Variants in CACNA1B observed in about 807,000 individuals in gnomAD.
CACNA1B encodes the protein calcium voltage-gated channel subunit alpha1 B.
Under a neutral mutation model 247.2 loss-of-function variants are expected in CACNA1B, and 70 were observed. The ratio of observed to expected loss-of-function variants is 0.28; its 90% CI spans 0.23 to 0.35. CACNA1B has a LOEUF of 0.35. Among genes scored for constraint, CACNA1B ranks in the 10% least tolerant of loss-of-function variants. The pLI is 1.00. For missense variants in CACNA1B, 2,367 were observed against 3,197.4 expected, an observed-to-expected ratio of 0.74 and a Z score of 6.26; for synonymous variants, 1,231 against 1,294.4, an observed-to-expected ratio of 0.95 and a Z score of 1.05.
chr9:137,916,511 C>T (rs975657740), intron 5 of CACNA1B, among the ~76,000 whole-genome samples: 2 of 152,140 alleles, frequency 1.3e-5, no homozygotes, highest in East Asian at 1.9e-4. Flanking sequence ...GAAGGATGTC[C>T]GCCCTGTAGG....
chr9:138,070,204 C>T (rs970858956), intron 32 of CACNA1B, among the ~76,000 whole-genome samples: 2 of 152,218 alleles, frequency 1.3e-5, no homozygotes, highest in African/African-American at 4.8e-5. Flanking sequence ...AAGAAGGCCC[C>T]GCTTTGCCCA....
In CACNA1B at chr9:138,102,749, A is replaced by C; in HGVS notation, c.5261A>C (p.Lys1754Thr). 6.2e-7 allele frequency: 1 copy of C among 1,613,062 alleles called. No individual in the cohort carries two copies. Among genetic ancestry groups the C allele is most frequent in the Non-Finnish European group, 8.5e-7 (1 of 1,179,378 alleles). ...ISYNDMFEML[K>T]HMSPPLGLGK... The stretch of plus-strand genomic sequence containing the variant: ...TACAATGACATGTTTGAGATGCTGA[A>C]ACACATGTCCCCGCCTCTGGGGCTG... Residue 1754 changes from lysine to threonine, a missense_variant, in exon 38 of 47, where the codon AAA (lysine) becomes ACA (threonine). Coordinates refer to ENST00000371372, the MANE Select transcript of CACNA1B (RefSeq NM_000718.4). This position sits in a 1 kb window ranked among gnomAD's most constrained non-coding sequence, Gnocchi z 5.4.
At chr9:137,978,095 A>G (rs1958245324) in intron 12 of CACNA1B, among the ~76,000 whole-genome samples, 2 of 122,834 alleles carry the variant, frequency 1.6e-5, no homozygotes, top group Non-Finnish European at 3.3e-5. Context: ...GCCCTCCCCC[A>G]GGAAGGAGTG....
At chr9:138,076,764 G>A (rs1425865468) in intron 35 of CACNA1B, among the ~76,000 whole-genome samples, 1 of 152,244 alleles carries the variant, frequency 6.6e-6, no homozygotes, top group Non-Finnish European at 1.5e-5. Context: ...TTAGGGATTT[G>A]CCATTTCAGT....
At chr9:138,117,129 C>G (rs2606357) in intron 42 of CACNA1B, among the ~76,000 whole-genome samples, 7 of 152,108 alleles carry the variant, frequency 4.6e-5, no homozygotes, top group Admixed American at 4.6e-4. Context: ...ACACATTCCA[C>G]GCCAGTTGGG....
intron 15 of CACNA1B, among the ~76,000 whole-genome samples, chr9:137,997,675 AT>A (rs1359137814): frequency 6.6e-6 from 1 of 152,186 alleles, no homozygotes; most frequent in Non-Finnish European, 1.5e-5. Context: ...CAATATTAAG[AT>A]TTAGAGAAGA....
At position 137,999,446 on chromosome 9, in the gene CACNA1B, G is replaced by A. The variant is rs537175446; in HGVS notation, c.1975-7321G>A. ...GTATCAACACTTGTAAGAGGAATCC[G>A]AAACAACACTTAAAGAAAAACTTAT... On this transcript the variant is annotated intron_variant, in intron 15 of 46. Transcript: ENST00000371372. 3.3e-5 allele frequency among the ~76,000 whole-genome samples: 5 copies of A among 150,214 alleles called. No individual in the cohort carries two copies. In the East Asian group the frequency reaches 5.8e-4, roughly 18 times the overall value.
At chr9:138,089,805 A>G (rs1960819061) in intron 36 of CACNA1B, among the ~76,000 whole-genome samples, 1 of 152,250 alleles carries the variant, frequency 6.6e-6, no homozygotes, top group Non-Finnish European at 1.5e-5. Context: ...TCAATGTACA[A>G]AAATCAGTAG....
Position 137,950,694 on chromosome 9 carries a change from T to C in CACNA1B, c.967-1580T>C, listed in dbSNP as rs1282613083. ...TACTTTTTTTGGTCGTCTGTGCCCCTTGGGCATTTCCAAATTTTAGGCTTC... is the reference window on the plus strand; with the variant it reads ...TACTTTTTTTGGTCGTCTGTGCCCCCTGGGCATTTCCAAATTTTAGGCTTC... On this transcript the variant is annotated intron_variant, in intron 6 of 46. Transcript: ENST00000371372. The surrounding 1 kb of genome is among the most constrained non-coding windows in gnomAD (Gnocchi z 4.8). Among the ~76,000 whole-genome samples, 1 of 152,202 alleles carries C rather than the reference T, an allele frequency of 6.6e-6. No individual in the cohort carries two copies. Among genetic ancestry groups the C allele is most frequent in the Non-Finnish European group, 1.5e-5 (1 of 68,034 alleles).
At chr9:137,944,078 G>A (rs763726763) in intron 6 of CACNA1B, among the ~76,000 whole-genome samples, 10 of 152,054 alleles carry the variant, frequency 6.6e-5, no homozygotes, top group African/African-American at 1.4e-4. Context: ...TTTCCTTTGC[G>A]TGCTCTTTGG....
intron 6 of CACNA1B, among the ~76,000 whole-genome samples, chr9:137,949,576 C>T (rs1443002785): frequency 1.3e-5 from 2 of 151,920 alleles, no homozygotes; most frequent in Non-Finnish European, 2.9e-5. Context: ...GAGGAACTGG[C>T]TCATGTGATC....
In CACNA1B at chr9:138,085,257, G is replaced by A. The variant is rs151269414; in HGVS notation, c.5094+6999G>A. ...TAAAAATAAAAACTAACAATAGAGA[G>A]CTTCAGCAGTGAGTCTGATCAAGCA... On this transcript the variant is annotated intron_variant, in intron 36 of 46. Coordinates refer to ENST00000371372, the MANE Select transcript of CACNA1B (RefSeq NM_000718.4). Among the ~76,000 whole-genome samples, 46 of 150,770 alleles carry A rather than the reference G, an allele frequency of 3.1e-4. 6 individuals are homozygous for A. In the East Asian group the frequency reaches 9.4e-3, roughly 31 times the overall value.
chr9:138,120,441 A>T, intron 45 of CACNA1B, 69 bp downstream of exon 45: 3 of 1,463,720 alleles, frequency 2.0e-6, no homozygotes, highest in Non-Finnish European at 9.1e-7. Context: ...CAAGCGGCCC[A>T]TGGGGGACCC....
intron 3 of CACNA1B, among the ~76,000 whole-genome samples, chr9:137,900,826 CCT>C (rs1195207557): frequency 7.4e-6 from 1 of 134,488 alleles, no homozygotes; most frequent in African/African-American, 2.9e-5. Flanking sequence ...GTCTGTGTGT[CCT>C]TGTGTCTGTG....
At chr9:138,117,166 G>A (rs1233441799) in intron 42 of CACNA1B, among the ~76,000 whole-genome samples, 2 of 152,360 alleles carry the variant, frequency 1.3e-5, no homozygotes, top group South Asian at 2.1e-4. Flanking sequence ...ATACCAGTGC[G>A]GAAGTATCTC....
intron 15 of CACNA1B, among the ~76,000 whole-genome samples, chr9:137,997,665 CAATATT>C (rs1958515624): frequency 6.6e-6 from 1 of 152,126 alleles, no homozygotes; most frequent in African/African-American, 2.4e-5. Context: ...AGAGATCTAA[CAATATT>C]AAGATTTAGA....
At chr9:137,969,106 C>T (rs1285330073) in intron 10 of CACNA1B, among the ~76,000 whole-genome samples, 12 of 152,172 alleles carry the variant, frequency 7.9e-5, no homozygotes, top group South Asian at 4.1e-4. Context: ...GCCTCATCCC[C>T]GGGGAACAAA....
At chr9:137,972,831 C>T (rs1425832134) in intron 11 of CACNA1B, among the ~76,000 whole-genome samples, 1 of 152,198 alleles carries the variant, frequency 6.6e-6, no homozygotes, top group Admixed American at 6.5e-5. Context: ...AGCTCCGGCT[C>T]AGGCTCCCTG....
In CACNA1B at chr9:138,120,522, C is replaced by G. The variant is rs551343862; in HGVS notation, c.6239-109C>G. ...TGGGACTGAGGCCCAGGCCCTAACC[C>G]TCACCCTAGCCTCCCCTGGCACCAC... On this transcript the variant is annotated intron_variant, in intron 45 of 46. Coordinates refer to ENST00000371372, the MANE Select transcript of CACNA1B (RefSeq NM_000718.4). 1.3e-4 allele frequency: 176 copies of G among 1,393,292 alleles called. No individual in the cohort carries two copies. The Admixed American group carries it at 4.8e-3, about 38-fold the overall frequency. The allele number at this position is 1,393,292 out of a possible 1,614,324, so 86.3% of individuals were successfully genotyped here. A position where few individuals can be genotyped will look rare whatever the true frequency, so the allele number is the denominator to read the frequency against.
Sources: gnomAD v4.1 joint callset for allele counts (sites outside exome capture counted in the v4.1 genomes callset) on GRCh38, gnomAD v4.1.1 for gene constraint, Gnocchi (gnomAD v3.1) non-coding constraint, MANE v1.5 for transcripts, NCBI Gene and HGNC (gene_info 2026-07-23, HGNC 2026-07-21) for gene names.